Variants in POFUT2 observed in about 807,000 individuals in gnomAD.
The protein encoded by POFUT2 is GDP-fucose protein O-fucosyltransferase 2.
POFUT2 carries 30 observed loss-of-function variants against 55.0 expected under a neutral mutation model. The observed-to-expected ratio is 0.55, with a 90% CI of 0.41 to 0.74. The LOEUF is 0.74. Ranked by LOEUF, POFUT2 falls within the 30% of genes least tolerant of loss-of-function variation. The pLI is 0.00. For missense variants in POFUT2, 524 were observed against 562.6 expected (o/e 0.93, Z 0.69); for synonymous variants, 267 against 231.1 (o/e 1.16, Z -1.41).
At chr21:45,287,189 C>T (rs2031514287) in intron 1 of POFUT2, among the ~76,000 whole-genome samples, 1 of 138,066 alleles carries the variant, frequency 7.2e-6, no homozygotes, top group Admixed American at 7.0e-5. Context: ...GACTCCAGCC[C>T]GGCCCCGGCC....
intron 7 of POFUT2, among the ~76,000 whole-genome samples, chr21:45,269,590 C>T (rs998803480): frequency 6.6e-6 from 1 of 151,962 alleles, no homozygotes; most frequent in African/African-American, 2.4e-5. Context: ...TTGAAGGCAG[C>T]ATGCTCGTTA....
rs2093135652 is a variant in POFUT2 at position 45,264,394 on chromosome 21, ACC to A, written c.*1086_*1087del. The A allele has an allele frequency of 6.6e-6, 1 of 151,774 alleles. No homozygotes were observed. The highest frequency in any genetic ancestry group is 1.5e-5 in the Non-Finnish European group (1 of 67,974). 9.4% of individuals were successfully genotyped at this position (151,774 alleles called of 1,614,324 possible). A position where few individuals can be genotyped will look rare whatever the true frequency, so the allele number is the denominator to read the frequency against. On this transcript the variant is annotated 3_prime_UTR_variant, in exon 9 of 9. Transcript: ENST00000349485. ...TGAGGGGGGCTCCCTGACCCTGAGGACCCCTGAGGCACTGCTGCACCTTCCAC... is the reference window on the plus strand; with the variant it reads ...TGAGGGGGGCTCCCTGACCCTGAGGACCTGAGGCACTGCTGCACCTTCCAC...
intron 6 of POFUT2, among the ~76,000 whole-genome samples, chr21:45,274,696 A>C (rs1008742059): frequency 1.3e-5 from 2 of 152,262 alleles, no homozygotes; most frequent in Non-Finnish European, 2.9e-5. Flanking sequence ...AGCAAACAAA[A>C]ACATAAAGTG....
At chr21:45,280,855 GA>G (rs2030551494) in intron 4 of POFUT2, among the ~76,000 whole-genome samples, 1 of 152,136 alleles carries the variant, frequency 6.6e-6, no homozygotes. Flanking sequence ...CTGTATCCCA[GA>G]GAGTCCTTAG....
In POFUT2 at chr21:45,282,453, C is replaced by A. The variant is rs773109505; in HGVS notation, c.534G>T (p.Trp178Cys). The part of the protein sequence containing the change: ...SQDKHEYYRG[W>C]FWGYEETRGL... ...CCCTGGTCTCCTCATAACCCCAAAA[C>A]CATCCTCTGGAAAACAAAACCCACA... The change falls in exon 4 of 9, where the codon TGG becomes TGT. Residue 178 changes from tryptophan to cysteine, a missense_variant. By Grantham distance (215) the Trp-to-Cys change is radical. Coordinates refer to ENST00000349485, the MANE Select transcript of POFUT2 (RefSeq NM_133635.6). The surrounding 1 kb of genome is among the most constrained non-coding windows in gnomAD (Gnocchi z 4.6). 3.7e-6 allele frequency: 6 copies of A among 1,600,090 alleles called. No homozygotes were observed. The African/African-American group carries it at 8.0e-5, about 21-fold the overall frequency.
chr21:45,285,127 G>C lies in POFUT2; in HGVS notation c.382+551C>G, dbSNP rs1056618771. Reference sequence around the variant, plus strand: ...TCGTCTTCAAGGCCTCTCAAGTGCAGCAGCAAAGCATCACTTACCTTTATC... The same window carrying C: ...TCGTCTTCAAGGCCTCTCAAGTGCACCAGCAAAGCATCACTTACCTTTATC... On this transcript the variant is annotated intron_variant, in intron 2 of 8. Transcript: ENST00000349485. This position sits in a 1 kb window ranked among gnomAD's most constrained non-coding sequence, Gnocchi z 4.9. The C allele has an allele frequency of 1.3e-5, 2 of 158,452 alleles. No individual in the cohort carries two copies. Among genetic ancestry groups the C allele is most frequent in the East Asian group, 3.7e-4 (2 of 5,404 alleles). The allele number at this position is 158,452 out of a possible 1,614,324, so 9.8% of individuals were successfully genotyped here.
chr21:45,283,170 C>T (rs939151995), intron 3 of POFUT2, among the ~76,000 whole-genome samples: 17 of 147,916 alleles, frequency 1.1e-4, no homozygotes, highest in Admixed American at 2.0e-4. Flanking sequence ...GCATGGGCAG[C>T]GAGGGCACTG....
Position 45,287,772 on chromosome 21 carries a change from C to T in POFUT2, c.100G>A (p.Asp34Asn). 4.1e-6 allele frequency: 6 copies of T among 1,479,042 alleles called. No homozygotes were observed. The highest frequency in any genetic ancestry group is 2.8e-5 in the East Asian group (1 of 36,026). 91.6% of individuals were successfully genotyped at this position (1,479,042 alleles called of 1,614,324 possible). A position where few individuals can be genotyped will look rare whatever the true frequency, so the allele number is the denominator to read the frequency against. Residue 34 changes from aspartate (D) to asparagine (N), a missense_variant, in exon 1 of 9, where the codon GAT (aspartate) becomes AAT (asparagine). This residue lies in a region of POFUT2 where 274 missense variants were observed against 244.4 expected (regional missense o/e 1.12). Transcript: ENST00000349485. ...CGGGAAGCCGCCCCCGACAGAATAT[C>T]GGCCGCCGATTGTCCGGGCCAGAAC... ...QEFWPGQSAA[D>N]ILSGAASRRR...
chr21:45,272,939 C>G (rs749608083), intron 6 of POFUT2, among the ~76,000 whole-genome samples: 43 of 152,010 alleles, frequency 2.8e-4, no homozygotes, highest in Non-Finnish European at 5.4e-4. Flanking sequence ...ATGCTTACAT[C>G]AAAAAATCTG....
Position 45,267,131 on chromosome 21 carries a change from C to T in POFUT2, c.1136+459G>A. The stretch of plus-strand genomic sequence containing the variant: ...ATCACACGAGGGCCCATGCTCCCAG[C>T]CTTGGGGACGCTCATGGCAGCCCCA... On this transcript the variant is annotated intron_variant, in intron 8 of 8. Transcript: ENST00000349485. This position sits in a 1 kb window ranked among gnomAD's most constrained non-coding sequence, Gnocchi z 4.4. 8.2e-7 allele frequency: 1 copy of T among 1,225,950 alleles called. No homozygotes were observed. Among genetic ancestry groups the T allele is most frequent in the Non-Finnish European group, 1.0e-6 (1 of 972,844 alleles). 75.9% of individuals were successfully genotyped at this position (1,225,950 alleles called of 1,614,324 possible).
At chr21:45,266,012 T>A in intron 8 of POFUT2, 1 of 1,207,478 alleles carries the variant, frequency 8.3e-7, no homozygotes, top group Non-Finnish European at 1.1e-6. Context: ...AATGAGAGAT[T>A]CCTACTAACC....
rs1569236620 is a variant in POFUT2, at chr21:45,285,573, GT to G, written c.382+104del. The G allele has an allele frequency of 1.4e-6, 2 of 1,401,456 alleles. No homozygotes were observed. Among genetic ancestry groups the G allele is most frequent in the Non-Finnish European group, 2.0e-6 (2 of 1,002,274 alleles). 86.8% of individuals were successfully genotyped at this position (1,401,456 alleles called of 1,614,324 possible). On this transcript the variant is annotated intron_variant, in intron 2 of 8. Transcript: ENST00000349485. This position sits in a 1 kb window ranked among gnomAD's most constrained non-coding sequence, Gnocchi z 4.9. ...CAGCACTGGGCACTGGAGGATGCTG[GT>G]GAGGCTGGATGCAATCGTAAGCCCA...
chr21:45,268,658 G>A (rs1482902020), intron 7 of POFUT2, among the ~76,000 whole-genome samples: 9 of 149,778 alleles, frequency 6.0e-5, no homozygotes, highest in Admixed American at 2.6e-4. Flanking sequence ...TGTGAGGAGC[G>A]CCTCTGCCTG....
At chr21:45,268,305 A>C (rs1369082321) in intron 7 of POFUT2, among the ~76,000 whole-genome samples, 1 of 152,212 alleles carries the variant, frequency 6.6e-6, no homozygotes, top group Admixed American at 6.5e-5. Context: ...CCCAGGCTGG[A>C]GTGCAGTGGC....
rs986476809 is a variant in POFUT2, at chr21:45,277,861, T to C, written c.705+242A>G. On this transcript the variant is annotated intron_variant, in intron 5 of 8. Transcript: ENST00000349485. The surrounding 1 kb of genome is among the most constrained non-coding windows in gnomAD (Gnocchi z 6.9). ...CTGACTCCAGGGCGCTGCCACCGCATTCAGGGCCTGTGGCATCAGAGGGGA... is the reference window on the plus strand; with the variant it reads ...CTGACTCCAGGGCGCTGCCACCGCACTCAGGGCCTGTGGCATCAGAGGGGA... 3 of 569,626 alleles carry C rather than the reference T, an allele frequency of 5.3e-6. No homozygotes were observed. Among genetic ancestry groups the C allele is most frequent in the African/African-American group, 1.9e-5 (1 of 53,008 alleles). The allele number at this position is 569,626 out of a possible 1,614,324, so 35.3% of individuals were successfully genotyped here. A position where few individuals can be genotyped will look rare whatever the true frequency, so the allele number is the denominator to read the frequency against.
At chr21:45,280,068 G>A (rs1460195838) in intron 4 of POFUT2, among the ~76,000 whole-genome samples, 1 of 152,182 alleles carries the variant, frequency 6.6e-6, no homozygotes, top group Non-Finnish European at 1.5e-5. Context: ...TTCCACACGG[G>A]CGCGGGTAGA....
At chr21:45,287,209 GC>G (rs2031520036) in intron 1 of POFUT2, among the ~76,000 whole-genome samples, 1 of 66,910 alleles carries the variant, frequency 1.5e-5, no homozygotes, top group Non-Finnish European at 2.9e-5. Context: ...CCCTGCCCCT[GC>G]CCCTGCCCCT....
intron 7 of POFUT2, among the ~76,000 whole-genome samples, chr21:45,269,245 T>C (rs1449490388): frequency 7.6e-5 from 11 of 145,202 alleles, no homozygotes; most frequent in Middle Eastern, 3.9e-3. Context: ...TACTGGGAAG[T>C]GAAGAGCCCC....
intron 4 of POFUT2, among the ~76,000 whole-genome samples, 198 bp from the exon 5 acceptor site, chr21:45,278,367 A>G (rs1396370052): frequency 6.6e-6 from 1 of 152,172 alleles, no homozygotes; most frequent in Non-Finnish European, 1.5e-5. Context: ...CACGGTTCTG[A>G]GAGGGCTTTA....
Sources: allele counts gnomAD v4.1 joint callset (sites outside exome capture counted in the v4.1 genomes callset), GRCh38; gene constraint gnomAD v4.1.1; regional missense constraint gnomAD v4.1.1; non-coding constraint Gnocchi (gnomAD v3.1); transcripts MANE v1.5; gene names NCBI Gene and HGNC (gene_info 2026-07-23, HGNC 2026-07-21).